The following C16orf96 variants were observed in gnomAD, a reference collection of about 807,000 sequenced individuals.
C16orf96 encodes uncharacterized protein C16orf96.
C16orf96 carries 108 observed loss-of-function variants against 103.6 expected under a neutral mutation model. The observed-to-expected ratio is 1.04, with a 90% CI of 0.89 to 1.22. The LOEUF is 1.22. C16orf96 is among the 50% of genes most tolerant of loss of function. The probability of loss-of-function intolerance (pLI) is 0.00; values close to 1 mark genes in which losing one functional copy is unlikely to be tolerated. For missense variants in C16orf96, 1,586 were observed against 1,464.2 expected, an observed-to-expected ratio of 1.08 and a Z score of -1.36; for synonymous variants, 566 against 593.5, an observed-to-expected ratio of 0.95 and a Z score of 0.67.
chr16:4,545,279 T>A, the C16orf96 span, among the ~76,000 whole-genome samples: 1 of 152,292 alleles, frequency 6.6e-6, no homozygotes, highest in East Asian at 1.9e-4. Flanking sequence ...CGATGATAGC[T>A]CACTGCAGCC....
chr16:4,578,862 A>G, intron 5 of C16orf96, 78 bp from the exon 6 acceptor site: 2 of 1,103,946 alleles, frequency 1.8e-6, no homozygotes, highest in Non-Finnish European at 2.7e-6. Context: ...GATGCTCCAT[A>G]AGAGAAGCAG....
At chr16:4,552,297 C>T (rs1424605758), upstream of C16orf96, among the ~76,000 whole-genome samples, 6 of 151,942 alleles carry the variant, frequency 3.9e-5, no homozygotes, top group East Asian at 1.9e-4. Context: ...GCCTGGGCAA[C>T]GTGGTGAAAC....
At chr16:4,548,176 G>A in the C16orf96 span, among the ~76,000 whole-genome samples, 3 of 152,240 alleles carry the variant, frequency 2.0e-5, no homozygotes, top group African/African-American at 4.8e-5. Flanking sequence ...GAGACAGGAC[G>A]ATGTTCCTCA....
rs189857664 is a variant in C16orf96 at position 4,573,149 on chromosome 16, C to A, written c.525+1484C>A. Among the ~76,000 whole-genome samples, 399 of 152,176 alleles carry A rather than the reference C, an allele frequency of 2.6e-3. 3 individuals carry two copies. The highest frequency in any genetic ancestry group is 9.3e-3 in the African/African-American group (388 of 41,540). On this transcript the variant is annotated intron_variant, in intron 2 of 15. Transcript: ENST00000444310. ...AGACAAAGCTGTTGGAGAAACCATG[C>A]CTTCTCGGCGGGGCCTGGTGTCTCA...
rs60143866 is a variant in C16orf96 at position 4,567,692 on chromosome 16, C to CTTTT, written c.421-3847_421-3844dup. 1.4e-3 allele frequency among the ~76,000 whole-genome samples: 63 copies of CTTTT among 44,560 alleles called. 5 individuals are homozygous for CTTTT. Among genetic ancestry groups the CTTTT allele is most frequent in the African/African-American group, 4.6e-3 (53 of 11,606 alleles). 29.2% of individuals were successfully genotyped at this position (44,560 alleles called of 152,430 possible). A position where few individuals can be genotyped will look rare whatever the true frequency, so the allele number is the denominator to read the frequency against. ...AATTTTCAATAGTTTCTTCTGTTGC[C>CTTTT]TTTTTTTTTTTTTTTTTTTTTTTTT... On this transcript the variant is annotated intron_variant, in intron 1 of 15. Transcript: ENST00000444310.
At chr16:4,558,959 C>A (rs1259050732) in intron 1 of C16orf96, among the ~76,000 whole-genome samples, 1 of 151,644 alleles carries the variant, frequency 6.6e-6, no homozygotes, top group Non-Finnish European at 1.5e-5. Flanking sequence ...GTAGCAGGCA[C>A]CTGTAATCCC....
rs763154141 is a variant in C16orf96, at chr16:4,575,643, C to T, written c.1163C>T (p.Ala388Val). ...AQPPPLGDWP[A>V]LPRRWPLPQG... ...CCTCCACCACTGGGAGACTGGCCTG[C>T]ACTCCCAAGACGCTGGCCTCTTCCC... is the stretch of plus-strand genomic sequence containing the variant. Residue 388 changes from alanine (A) to valine (V), a missense_variant, in exon 5 of 16, where the codon GCA (alanine) becomes GTA (valine). By Grantham distance (64) the Ala-to-Val change is moderately conservative. Transcript: ENST00000444310. The T allele has an allele frequency of 6.5e-6, 10 of 1,533,264 alleles. No individual in the cohort carries two copies. Among genetic ancestry groups the T allele is most frequent in the Non-Finnish European group, 8.8e-6 (10 of 1,138,964 alleles). The allele number at this position is 1,533,264 out of a possible 1,614,324, so 95.0% of individuals were successfully genotyped here. A position where few individuals can be genotyped will look rare whatever the true frequency, so the allele number is the denominator to read the frequency against.
chr16:4,549,261 T>A, the C16orf96 span, among the ~76,000 whole-genome samples: 1 of 151,774 alleles, frequency 6.6e-6, no homozygotes, highest in East Asian at 1.9e-4. Flanking sequence ...GATCACAAGG[T>A]CAGGAGATCA....
chr16:4,595,550 C>T (rs1479544389), intron 14 of C16orf96, among the ~76,000 whole-genome samples: 1 of 152,188 alleles, frequency 6.6e-6, no homozygotes, highest in Non-Finnish European at 1.5e-5. Context: ...CTCTGCACAC[C>T]CCTTGAAGGC....
In C16orf96 at chr16:4,600,496, C is replaced by G. The variant is rs1463171790; in HGVS notation, c.*179C>G. ...CGAGGCTGAGGCTCATGCGCCCCCCCCCATCCCTACCAAGTCCCCTCCACG... is the reference window on the plus strand; with the variant it reads ...CGAGGCTGAGGCTCATGCGCCCCCCGCCATCCCTACCAAGTCCCCTCCACG... On this transcript the variant is annotated 3_prime_UTR_variant, in exon 16 of 16. Transcript: ENST00000444310. 6.2e-6 allele frequency: 3 copies of G among 483,020 alleles called. No homozygotes were observed. The African/African-American group carries it at 6.4e-5, about 10-fold the overall frequency. The allele number at this position is 483,020 out of a possible 1,614,324, so 29.9% of individuals were successfully genotyped here. A position where few individuals can be genotyped will look rare whatever the true frequency, so the allele number is the denominator to read the frequency against.
chr16:4,573,376 T>C (rs1299239418), intron 2 of C16orf96, among the ~76,000 whole-genome samples: 1 of 146,170 alleles, frequency 6.8e-6, no homozygotes, highest in Non-Finnish European at 1.5e-5. Flanking sequence ...GAGGTGGAGA[T>C]TGTAGTGAGC....
upstream of C16orf96, among the ~76,000 whole-genome samples, chr16:4,553,612 G>A (rs2059240445): frequency 6.6e-6 from 1 of 152,060 alleles, no homozygotes; most frequent in Admixed American, 6.6e-5. Flanking sequence ...TGAGTAGCTG[G>A]GATTACAGGT....
At chr16:4,569,334 A>G (rs796996465) in intron 1 of C16orf96, among the ~76,000 whole-genome samples, 4 of 152,304 alleles carry the variant, frequency 2.6e-5, no homozygotes, top group African/African-American at 7.2e-5. Flanking sequence ...TATTCTTGTT[A>G]ATTAACTATT....
At chr16:4,585,913 C>A (rs1191487011) in intron 7 of C16orf96, among the ~76,000 whole-genome samples, 3 of 152,098 alleles carry the variant, frequency 2.0e-5, no homozygotes, top group Non-Finnish European at 4.4e-5. Context: ...ACAGACCGAG[C>A]AGGATAATGG....
rs2141712541 is a variant in C16orf96 at position 4,571,621 on chromosome 16, G to A, written c.481G>A (p.Ala161Thr). Residue 161 changes from alanine (A) to threonine (T), a missense_variant, in exon 2 of 16, where the codon GCC (alanine) becomes ACC (threonine). Transcript: ENST00000444310. ...TCATGCACTCCAGGTCACCATCACA[G>A]CCCTCAGAAAAGAAGTGGACATGCT... is the stretch of plus-strand genomic sequence containing the variant. ...DLHALQVTIT[A>T]LRKEVDMLKN... 2 of 1,552,250 alleles carry A rather than the reference G, an allele frequency of 1.3e-6. No homozygotes were observed. Among genetic ancestry groups the A allele is most frequent in the East Asian group, 4.9e-5 (2 of 40,924 alleles).
chr16:4,551,601 G>A (rs1393536487), upstream of C16orf96, among the ~76,000 whole-genome samples: 1 of 151,984 alleles, frequency 6.6e-6, no homozygotes, highest in Admixed American at 6.6e-5. Flanking sequence ...ACAGGCACCC[G>A]CCACCATGCC....
intron 7 of C16orf96, among the ~76,000 whole-genome samples, chr16:4,581,141 C>CATATATATATATATATATATATAT (rs58065868): frequency 2.1e-5 from 1 of 46,752 alleles, no homozygotes; most frequent in Non-Finnish European, 4.6e-5. Context: ...TATATGTATA[C>CATATATATATATATATATATATAT]ATATATATAT....
At chr16:4,585,950 G>A (rs1276991339) in intron 7 of C16orf96, among the ~76,000 whole-genome samples, 2 of 152,152 alleles carry the variant, frequency 1.3e-5, no homozygotes, top group Admixed American at 1.3e-4. Flanking sequence ...ATAATAGAGA[G>A]AGGGAAGGAT....
chr16:4,587,170 C>T (rs902872626), intron 8 of C16orf96, 57 bp downstream of exon 8: 1 of 1,452,788 alleles, frequency 6.9e-7, no homozygotes, highest in South Asian at 1.2e-5. Context: ...GAAACGGCAC[C>T]ATCCAGGCAA....
Sources: gnomAD v4.1 joint callset for allele counts (sites outside exome capture counted in the v4.1 genomes callset) on GRCh38, gnomAD v4.1.1 for gene constraint, MANE v1.5 for transcripts, NCBI Gene and HGNC (gene_info 2026-07-23, HGNC 2026-07-21) for gene names.